GIN1: variants seen among roughly 807,000 people sequenced by gnomAD.
GIN1 encodes the protein gypsy retrotransposon integrase 1.
A neutral mutation model predicts 51.4 loss-of-function variants in GIN1; 41 were observed. That is an observed-to-expected ratio of 0.80 (90% CI 0.62 to 1.04). GIN1 has a LOEUF of 1.04. GIN1 is among the 50% of genes least tolerant of loss of function. The pLI is 0.00. For missense variants in GIN1, 610 were observed against 612.4 expected (o/e 1.00, Z 0.04); for synonymous variants, 222 against 206.5 (o/e 1.07, Z -0.64).
At chr5:103,112,841 A>G (rs1377562641) in intron 1 of GIN1, among the ~76,000 whole-genome samples, 1 of 152,100 alleles carries the variant, frequency 6.6e-6, no homozygotes, top group African/African-American at 2.4e-5. Flanking sequence ...AAACCCTTAT[A>G]TATACTAGAT....
Position 103,087,965 on chromosome 5 carries a change from C to T in GIN1, c.1502G>A (p.Ser501Asn). The T allele has an allele frequency of 6.3e-7, 1 of 1,596,284 alleles. No individual in the cohort carries two copies. Among genetic ancestry groups the T allele is most frequent in the Admixed American group, 1.7e-5 (1 of 59,796 alleles). Residue 501 changes from serine to asparagine, a missense_variant, in exon 8 of 8, where the codon AGT becomes AAT. Coordinates refer to ENST00000399004, the MANE Select transcript of GIN1 (RefSeq NM_017676.2). ...ACTGAAAGTCTGCTTTTCAAGAGAA[C>T]TATGATCGTCTATCAATGGAGAGAT... ...TKISPLIDDH[S>N]SLEKQTFSLL...
intron 1 of GIN1, 98 bp from the exon 2 acceptor site, chr5:103,108,812 C>A: frequency 2.7e-6 from 2 of 744,050 alleles, no homozygotes; most frequent in South Asian, 1.8e-5. Flanking sequence ...ACATATGAAC[C>A]GAGAATTCCC....
intron 7 of GIN1, among the ~76,000 whole-genome samples, chr5:103,088,865 A>G (rs1554194222): frequency 6.6e-6 from 1 of 152,182 alleles, no homozygotes; most frequent in Non-Finnish European, 1.5e-5. Flanking sequence ...TTCTGGGTGA[A>G]TTAATAGGGT....
intron 1 of GIN1, among the ~76,000 whole-genome samples, chr5:103,118,945 CTTA>C (rs1788205089): frequency 6.6e-6 from 1 of 152,030 alleles, no homozygotes; most frequent in Non-Finnish European, 1.5e-5. Context: ...AAGAATTTCT[CTTA>C]AAATCATTAC....
At chr5:103,099,471 C>A (rs1167611879) in intron 4 of GIN1, among the ~76,000 whole-genome samples, 1 of 152,056 alleles carries the variant, frequency 6.6e-6, no homozygotes, top group Non-Finnish European at 1.5e-5. Context: ...TTCAGGGTGA[C>A]TATTTTTAAT....
rs1554195308 is a variant in GIN1 at position 103,097,757 on chromosome 5, A to G, written c.664T>C (p.Phe222Leu). ...QQINIELYRL[F>L]GIKQIVISHT... ...GAAATTACAATTTGCTTTATGCCAA[A>G]CAATCTGTACAGTTCAATATTGATC... The change falls in exon 5 of 8, where the codon TTT becomes CTT. Residue 222 changes from phenylalanine (F) to leucine (L), a missense_variant. Phe to Leu is a conservative substitution (Grantham distance 22). Coordinates refer to ENST00000399004, the MANE Select transcript of GIN1 (RefSeq NM_017676.2). 3 of 1,546,704 alleles carry G rather than the reference A, an allele frequency of 1.9e-6. No individual in the cohort carries two copies. Among genetic ancestry groups the G allele is most frequent in the Admixed American group, 3.3e-5 (2 of 59,738 alleles).
rs1554194162 is a variant in GIN1, at chr5:103,088,176, A to T, written c.1295-4T>A. On this transcript the variant is annotated splice_polypyrimidine_tract_variant and splice_region_variant and intron_variant, in intron 7 of 7. Transcript: ENST00000399004. ...CCTTGCAAGAGATAAAGACTTTCTG[A>T]AAAAAGAAAAATCATACATTTGACT... is the stretch of plus-strand genomic sequence containing the variant. The T allele has an allele frequency of 4.1e-6, 6 of 1,466,360 alleles. No individual in the cohort carries two copies. Among genetic ancestry groups the T allele is most frequent in the Non-Finnish European group, 4.6e-6 (5 of 1,095,472 alleles). The allele number at this position is 1,466,360 out of a possible 1,614,324, so 90.8% of individuals were successfully genotyped here. A position where few individuals can be genotyped will look rare whatever the true frequency, so the allele number is the denominator to read the frequency against.
At position 103,104,535 on chromosome 5, in the gene GIN1, T is replaced by C. The variant is rs1554196051; in HGVS notation, c.639+6A>G. ...CTCCCAGACCTAAGTAGTTTATTTGTCTTACCTGTTGAATGAATTCATCTC... is the reference window on the plus strand; with the variant it reads ...CTCCCAGACCTAAGTAGTTTATTTGCCTTACCTGTTGAATGAATTCATCTC... On this transcript the variant is annotated splice_donor_region_variant and intron_variant, in intron 4 of 7. Transcript: ENST00000399004. 6.9e-7 allele frequency: 1 copy of C among 1,439,498 alleles called. No homozygotes were observed. Among genetic ancestry groups the C allele is most frequent in the Admixed American group, 1.7e-5 (1 of 57,304 alleles). 89.2% of individuals were successfully genotyped at this position (1,439,498 alleles called of 1,614,324 possible). A position where few individuals can be genotyped will look rare whatever the true frequency, so the allele number is the denominator to read the frequency against.
intron 7 of GIN1, among the ~76,000 whole-genome samples, chr5:103,092,501 A>T (rs782132823): frequency 1.3e-4 from 20 of 152,190 alleles, no homozygotes; most frequent in Non-Finnish European, 2.6e-4. Flanking sequence ...CTAATCCTAT[A>T]TATGGTTTGA....
intron 7 of GIN1, among the ~76,000 whole-genome samples, chr5:103,094,304 T>C (rs931886166): frequency 3.9e-5 from 6 of 152,086 alleles, no homozygotes; most frequent in Admixed American, 3.9e-4. Context: ...GATCAAGCAA[T>C]AAGAACCAGA....
intron 1 of GIN1, among the ~76,000 whole-genome samples, chr5:103,109,879 A>G (rs535633232): frequency 2.0e-5 from 3 of 152,278 alleles, no homozygotes; most frequent in African/African-American, 7.2e-5. Flanking sequence ...GCCAATTGGC[A>G]TAAGGACAGA....
At chr5:103,090,846 A>T (rs1787217016) in intron 7 of GIN1, among the ~76,000 whole-genome samples, 1 of 151,994 alleles carries the variant, frequency 6.6e-6, no homozygotes, top group Admixed American at 6.6e-5. Flanking sequence ...GGACATACCA[A>T]CCTCACTTGA....
At position 103,104,671 on chromosome 5, in the gene GIN1, T is replaced by G. The variant is rs1554196088; in HGVS notation, c.509A>C (p.Lys170Thr). The G allele has an allele frequency of 6.2e-7, 1 of 1,612,314 alleles. No homozygotes were observed. The highest frequency in any genetic ancestry group is 1.3e-5 in the African/African-American group (1 of 75,018). ...ACATAGAGGCAAAATCACAATCCAT[T>G]TGGTGAACAAATCTGTCATGATTAT... is the stretch of plus-strand genomic sequence containing the variant. ...YAIIMTDLFT[K>T]WIVILPLCDV... Residue 170 changes from lysine (K) to threonine (T), a missense_variant, in exon 4 of 8, where the codon AAA becomes ACA. Physicochemically the swap from Lys to Thr is moderately conservative, Grantham distance 78. Transcript: ENST00000399004.
intron 7 of GIN1, among the ~76,000 whole-genome samples, chr5:103,094,550 GA>G (rs1361779947): frequency 1.3e-5 from 2 of 152,142 alleles, no homozygotes; most frequent in Non-Finnish European, 2.9e-5. Context: ...ACTGAGTTCT[GA>G]ATGTTCAGAA....
At chr5:103,113,742 G>A (rs538239048) in intron 1 of GIN1, among the ~76,000 whole-genome samples, 2 of 152,068 alleles carry the variant, frequency 1.3e-5, no homozygotes, top group East Asian at 1.9e-4. Flanking sequence ...GGCTGGTCTC[G>A]AACTCCTGAC....
At chr5:103,088,836 A>T (rs1554194221) in intron 7 of GIN1, among the ~76,000 whole-genome samples, 1 of 152,170 alleles carries the variant, frequency 6.6e-6, no homozygotes, top group Non-Finnish European at 1.5e-5. Flanking sequence ...GTTATCCTTA[A>T]TATGCTTCTG....
chr5:103,108,475 C>T, intron 2 of GIN1, 94 bp downstream of exon 2: 2 of 820,664 alleles, frequency 2.4e-6, no homozygotes, highest in Non-Finnish European at 3.9e-6. Context: ...TGTTTAGCAA[C>T]AACCAACTAC....
chr5:103,115,247 A>G (rs1328505061), intron 1 of GIN1, among the ~76,000 whole-genome samples: 2 of 152,178 alleles, frequency 1.3e-5, no homozygotes, highest in Non-Finnish European at 2.9e-5. Context: ...TCATAGCCAC[A>G]TCACCCACAA....
intron 6 of GIN1, 57 bp downstream of exon 6, chr5:103,097,257 A>G: frequency 9.3e-7 from 1 of 1,077,678 alleles, no homozygotes; most frequent in Middle Eastern, 2.9e-4. Context: ...AAATTTTAAA[A>G]ATAAATATAA....
Sources: gnomAD v4.1 joint callset for allele counts (sites outside exome capture counted in the v4.1 genomes callset) on GRCh38, gnomAD v4.1.1 for gene constraint, MANE v1.5 for transcripts, NCBI Gene and HGNC (gene_info 2026-07-23, HGNC 2026-07-21) for gene names.